The following SLC35F1 variants were observed in gnomAD, a reference collection of about 807,000 sequenced individuals.
SLC35F1 encodes the protein chromosome 6 open reading frame 169.
Under a neutral mutation model 48.7 loss-of-function variants are expected in SLC35F1, and 14 were observed. That is an observed-to-expected ratio of 0.29 (90% CI 0.19 to 0.45). SLC35F1 has a LOEUF of 0.45. SLC35F1 is among the 20% of genes least tolerant of loss of function. The probability of loss-of-function intolerance (pLI) is 1.00; values close to 1 mark genes in which losing one functional copy is unlikely to be tolerated. For missense variants in SLC35F1, 404 were observed against 500.0 expected, an observed-to-expected ratio of 0.81 and a Z score of 1.83; for synonymous variants, 190 against 202.2, an observed-to-expected ratio of 0.94 and a Z score of 0.51.
intron 1 of SLC35F1, among the ~76,000 whole-genome samples, chr6:118,103,268 T>TA (rs397709204): frequency 9.9e-5 from 15 of 151,884 alleles, no homozygotes; most frequent in South Asian, 6.2e-4. Context: ...TTTATTTTTT[T>TA]AAATTTTATT....
chr6:118,234,219 G>T (rs1280129083), intron 2 of SLC35F1, among the ~76,000 whole-genome samples: 1 of 152,144 alleles, frequency 6.6e-6, no homozygotes, highest in Non-Finnish European at 1.5e-5. Flanking sequence ...AAGGATCTCT[G>T]CCTCCTGGTA....
At chr6:117,948,016 T>C (rs916113838) in intron 1 of SLC35F1, among the ~76,000 whole-genome samples, 5 of 152,160 alleles carry the variant, frequency 3.3e-5, no homozygotes, top group African/African-American at 1.2e-4. Flanking sequence ...GAGCTATCTG[T>C]AGCTAATACA....
In SLC35F1 at chr6:118,141,564, G is replaced by A. The variant is rs182221771; in HGVS notation, c.174-12881G>A. On this transcript the variant is annotated intron_variant, in intron 1 of 7. Transcript: ENST00000360388. The stretch of plus-strand genomic sequence containing the variant: ...TGCTAGGATGGTCAGGTTCCTGTGA[G>A]GGGCCCCCTTCCTGGTTGCAGACTG... Among the ~76,000 whole-genome samples the A allele has an allele frequency of 2.2e-4, 33 of 152,232 alleles. No homozygotes were observed. The East Asian group carries it at 6.4e-3, about 29-fold the overall frequency.
intron 2 of SLC35F1, among the ~76,000 whole-genome samples, chr6:118,176,381 G>T (rs938558603): frequency 1.5e-4 from 23 of 151,980 alleles, no homozygotes; most frequent in African/African-American, 5.1e-4. Context: ...CTTGTTTTTG[G>T]AGTACAGTGG....
At chr6:118,142,564 CA>C (rs1200837954) in intron 1 of SLC35F1, among the ~76,000 whole-genome samples, 1 of 113,110 alleles carries the variant, frequency 8.8e-6, no homozygotes, top group Non-Finnish European at 2.3e-5. Context: ...TATATTTATT[CA>C]TTTTTTTTGT....
chr6:118,030,001 A>G (rs12110607), intron 1 of SLC35F1, among the ~76,000 whole-genome samples: 8,337 of 152,246 alleles, frequency 0.055, 784 homozygotes, highest in African/African-American at 0.19. Context: ...TTGTGCCATG[A>G]TAAGTATTGT....
chr6:118,108,272 C>A (rs557579260), intron 1 of SLC35F1, among the ~76,000 whole-genome samples: 13 of 152,214 alleles, frequency 8.5e-5, no homozygotes, highest in Non-Finnish European at 1.9e-4. Flanking sequence ...CTATAATTTT[C>A]TTCTATAATT....
intron 7 of SLC35F1, among the ~76,000 whole-genome samples, chr6:118,303,124 A>C (rs1396720334): frequency 6.6e-6 from 1 of 152,178 alleles, no homozygotes; most frequent in Non-Finnish European, 1.5e-5. Flanking sequence ...AAGAGAAAGA[A>C]ATATAGAATT....
At chr6:117,933,079 T>C (rs964338973) in intron 1 of SLC35F1, among the ~76,000 whole-genome samples, 1 of 152,250 alleles carries the variant, frequency 6.6e-6, no homozygotes, top group African/African-American at 2.4e-5. Flanking sequence ...CTGATGCTCA[T>C]GAAATAAATA....
In SLC35F1 at chr6:117,938,265, A is replaced by G. The variant is rs966713035; in HGVS notation, c.173+30366A>G. Among the ~76,000 whole-genome samples the G allele has an allele frequency of 3.3e-5, 5 of 152,336 alleles. No homozygotes were observed. The East Asian group carries it at 9.6e-4, about 29-fold the overall frequency. ...AGTCATCTGAGAAATGTAACATATA[A>G]GTAAATATCACTAAAATTAAACTGG... On this transcript the variant is annotated intron_variant, in intron 1 of 7. Coordinates refer to ENST00000360388, the MANE Select transcript of SLC35F1 (RefSeq NM_001029858.4).
rs1379980556 is a variant in SLC35F1 at position 118,285,298 on chromosome 6, T to C, written c.962T>C (p.Leu321Ser). 6.2e-7 allele frequency: 1 copy of C among 1,614,012 alleles called. No individual in the cohort carries two copies. The highest frequency in any genetic ancestry group is 8.5e-7 in the Non-Finnish European group (1 of 1,179,888). Reference sequence around the variant, plus strand: ...AACCTCTCCTTGCTCACAGCAGACTTGTACAGCCTGTTCTGTGGATTGTTT... The same window carrying C: ...AACCTCTCCTTGCTCACAGCAGACTCGTACAGCCTGTTCTGTGGATTGTTT... ...SVNLSLLTADLYSLFCGLFLF... is the reference protein window; with the variant it reads ...SVNLSLLTADSYSLFCGLFLF... Residue 321 changes from leucine to serine, a missense_variant, in exon 7 of 8, where the codon TTG becomes TCG. By Grantham distance (145) the Leu-to-Ser change is moderately radical. Around this residue, in one of 2 missense-constraint regions of SLC35F1, gnomAD observed 306 missense variants for 419.1 expected, o/e 0.73. Transcript: ENST00000360388.
chr6:118,071,029 C>CGT (rs143774264), intron 1 of SLC35F1, among the ~76,000 whole-genome samples: 93 of 8,106 alleles, frequency 0.011, 9 homozygotes, highest in African/African-American at 0.023. Context: ...ATATATTCTA[C>CGT]GTGTATATAT....
chr6:118,025,471 A>G (rs1777450280), intron 1 of SLC35F1, among the ~76,000 whole-genome samples: 1 of 152,132 alleles, frequency 6.6e-6, no homozygotes, highest in South Asian at 2.1e-4. Flanking sequence ...TTTTACCAGA[A>G]AGTTATTCCC....
intron 2 of SLC35F1, among the ~76,000 whole-genome samples, chr6:118,204,736 C>T (rs1451610145): frequency 6.6e-6 from 1 of 152,162 alleles, no homozygotes; most frequent in African/African-American, 2.4e-5. Flanking sequence ...ACCTCTGTAA[C>T]CAGTATCCAA....
chr6:117,947,729 G>T (rs964007965), intron 1 of SLC35F1, among the ~76,000 whole-genome samples: 1 of 152,156 alleles, frequency 6.6e-6, no homozygotes, highest in Non-Finnish European at 1.5e-5. Flanking sequence ...AGGTGTGGGG[G>T]AGGACCAGCA....
At chr6:118,060,566 T>C (rs1772523287) in intron 1 of SLC35F1, among the ~76,000 whole-genome samples, 1 of 152,162 alleles carries the variant, frequency 6.6e-6, no homozygotes, top group Admixed American at 6.5e-5. Flanking sequence ...TCTAAAACAT[T>C]CAGAAACCTC....
intron 1 of SLC35F1, among the ~76,000 whole-genome samples, chr6:118,151,974 G>A (rs1774065051): frequency 1.3e-5 from 2 of 151,916 alleles, no homozygotes; most frequent in Non-Finnish European, 2.9e-5. Flanking sequence ...TACTTCCTCT[G>A]AATGGTACTG....
intron 2 of SLC35F1, among the ~76,000 whole-genome samples, chr6:118,182,927 G>A (rs1026512896): frequency 3.9e-5 from 6 of 152,016 alleles, no homozygotes; most frequent in African/African-American, 1.4e-4. Context: ...AACCCTTAAA[G>A]ACCATTACAG....
chr6:118,077,972 G>A (rs1772846407), intron 1 of SLC35F1, among the ~76,000 whole-genome samples: 1 of 152,046 alleles, frequency 6.6e-6, no homozygotes, highest in Admixed American at 6.6e-5. Flanking sequence ...GTCAATTTAA[G>A]TTCTACCTTT....
Sources: gnomAD v4.1 joint callset for allele counts (sites outside exome capture counted in the v4.1 genomes callset) on GRCh38, gnomAD v4.1.1 for gene constraint, gnomAD v4.1.1 regional missense constraint, MANE v1.5 for transcripts, NCBI Gene and HGNC (gene_info 2026-07-23, HGNC 2026-07-21) for gene names.